CACNA2D2: variants seen among roughly 807,000 people sequenced by gnomAD.
CACNA2D2 encodes voltage-dependent calcium channel subunit alpha-2/delta-2.
A neutral mutation model predicts 166.4 loss-of-function variants in CACNA2D2; 48 were observed. That is an observed-to-expected ratio of 0.29 (90% CI 0.23 to 0.37). The LOEUF (loss-of-function observed/expected upper bound fraction) is 0.37. Among genes scored for constraint, CACNA2D2 ranks in the 10% least tolerant of loss-of-function variants. CACNA2D2 has a pLI of 1.00. For missense variants in CACNA2D2, 1,122 were observed against 1,433.0 expected, an observed-to-expected ratio of 0.78 and a Z score of 3.50; for synonymous variants, 561 against 573.7, an observed-to-expected ratio of 0.98 and a Z score of 0.32.
At chr3:50,395,214 G>A (rs1440522884) in intron 3 of CACNA2D2, among the ~76,000 whole-genome samples, 1 of 152,226 alleles carries the variant, frequency 6.6e-6, no homozygotes, top group Non-Finnish European at 1.5e-5. Context: ...AGTGACTCAT[G>A]TGCTGTGCAC....
intron 3 of CACNA2D2, among the ~76,000 whole-genome samples, chr3:50,424,396 G>A (rs1707710832): frequency 6.6e-6 from 1 of 152,116 alleles, no homozygotes; most frequent in Non-Finnish European, 1.5e-5. Context: ...GTGCTCTGTG[G>A]AGCCTGCCAG....
intron 24 of CACNA2D2, 69 bp downstream of exon 24, chr3:50,368,069 G>A (rs1704446878): frequency 7.8e-7 from 1 of 1,289,618 alleles, no homozygotes; most frequent in African/African-American, 1.5e-5. Flanking sequence ...CCCGGCCTCT[G>A]GGTTCCTCTG....
chr3:50,461,234 G>A (rs558257406), intron 2 of CACNA2D2, among the ~76,000 whole-genome samples: 4 of 152,322 alleles, frequency 2.6e-5, no homozygotes, highest in African/African-American at 9.6e-5. Context: ...CAATGGATCG[G>A]GAATCTGAAT....
At chr3:50,428,303 G>A (rs1392760472) in intron 3 of CACNA2D2, among the ~76,000 whole-genome samples, 5 of 152,220 alleles carry the variant, frequency 3.3e-5, no homozygotes, top group East Asian at 3.9e-4. Context: ...CGAGGCTGAC[G>A]CCCTGCTTTA....
At position 50,379,408 on chromosome 3, in the gene CACNA2D2, C is replaced by T; in HGVS notation, c.1152+24G>A. Reference sequence around the variant, plus strand: ...AGGGCCCTCTACTCCCCCAGCCGCCCACTTGCCCACCCATGGGGCTCACGT... The same window carrying T: ...AGGGCCCTCTACTCCCCCAGCCGCCTACTTGCCCACCCATGGGGCTCACGT... On this transcript the variant is annotated intron_variant, in intron 11 of 37. Coordinates refer to ENST00000424201, the MANE Select transcript of CACNA2D2 (RefSeq NM_006030.4). This position sits in a 1 kb window ranked among gnomAD's most constrained non-coding sequence, Gnocchi z 6.5. The T allele has an allele frequency of 6.2e-7, 1 of 1,610,382 alleles. No homozygotes were observed. Among genetic ancestry groups the T allele is most frequent in the East Asian group, 2.2e-5 (1 of 44,802 alleles).
chr3:50,451,734 A>G (rs1476272297), intron 2 of CACNA2D2, among the ~76,000 whole-genome samples: 2 of 152,134 alleles, frequency 1.3e-5, no homozygotes, highest in Non-Finnish European at 2.9e-5. Flanking sequence ...GAGGCCCCCT[A>G]GTTCCCACCT....
At chr3:50,388,976 G>C (rs1054142309) in intron 4 of CACNA2D2, among the ~76,000 whole-genome samples, 1 of 152,252 alleles carries the variant, frequency 6.6e-6, no homozygotes, top group Admixed American at 6.5e-5. Flanking sequence ...ATCCCAGGGC[G>C]CCTGCCGTGT....
chr3:50,391,727 G>A (rs1705902713), intron 4 of CACNA2D2, among the ~76,000 whole-genome samples: 2 of 152,224 alleles, frequency 1.3e-5, no homozygotes, highest in Non-Finnish European at 2.9e-5. Context: ...ACCATTGTCT[G>A]TTCCTCAGAG....
At chr3:50,394,191 G>T (rs770703581) in intron 3 of CACNA2D2, 23 bp from the exon 4 acceptor site, 7 of 1,611,558 alleles carry the variant, frequency 4.3e-6, no homozygotes, top group Non-Finnish European at 5.9e-6. Context: ...GCACAGGGAG[G>T]TCAGAAGCGG....
At chr3:50,467,538 A>T (rs1046831630) in intron 2 of CACNA2D2, among the ~76,000 whole-genome samples, 15 of 152,098 alleles carry the variant, frequency 9.9e-5, no homozygotes, top group African/African-American at 3.6e-4. Flanking sequence ...GCACCTATGG[A>T]CATGTGTACC....
intron 3 of CACNA2D2, among the ~76,000 whole-genome samples, chr3:50,396,350 A>G (rs1242280826): frequency 3.9e-5 from 6 of 152,050 alleles, no homozygotes; most frequent in Non-Finnish European, 7.4e-5. Context: ...CAACACCTGG[A>G]GCCTTTTCTC....
rs587679485 is a variant in CACNA2D2, at chr3:50,378,443, C to T, written c.1340-110G>A. 4 of 1,139,316 alleles carry T rather than the reference C, an allele frequency of 3.5e-6. No individual in the cohort carries two copies. In the East Asian group the frequency reaches 7.7e-5, roughly 22 times the overall value. 70.6% of individuals were successfully genotyped at this position (1,139,316 alleles called of 1,614,324 possible). A position where few individuals can be genotyped will look rare whatever the true frequency, so the allele number is the denominator to read the frequency against. The stretch of plus-strand genomic sequence containing the variant: ...CAGCCCTGCCTCGCCTCTTGGGCTC[C>T]TCTCTTTTTGGGGTCCTCTCCCTCT... On this transcript the variant is annotated intron_variant, in intron 13 of 37. Coordinates refer to ENST00000424201, the MANE Select transcript of CACNA2D2 (RefSeq NM_006030.4).
intron 3 of CACNA2D2, among the ~76,000 whole-genome samples, chr3:50,399,683 G>A (rs1022974071): frequency 2.6e-5 from 4 of 152,170 alleles, no homozygotes; most frequent in Non-Finnish European, 5.9e-5. Context: ...AAGCATTAGT[G>A]TAGCTGCCCC....
Position 50,364,975 on chromosome 3 carries a change from G to A in CACNA2D2, c.3209-5C>T, listed in dbSNP as rs1452790481. ...CACACTGCTCCGGGCCGTCCGCTGG[G>A]CATGGGTGGGGAGTCAAGGAGGCGG... On this transcript the variant is annotated splice_polypyrimidine_tract_variant and splice_region_variant and intron_variant, in intron 36 of 37. Transcript: ENST00000424201. The A allele has an allele frequency of 6.2e-7, 1 of 1,612,558 alleles. No individual in the cohort carries two copies. The highest frequency in any genetic ancestry group is 8.5e-7 in the Non-Finnish European group (1 of 1,179,718).
At chr3:50,476,704 C>T (rs1465492989) in intron 1 of CACNA2D2, among the ~76,000 whole-genome samples, 1 of 152,178 alleles carries the variant, frequency 6.6e-6, no homozygotes, top group Non-Finnish European at 1.5e-5. Context: ...CCCTCTAGGT[C>T]TCACCTGAGC....
At chr3:50,457,292 G>A (rs934383946) in intron 2 of CACNA2D2, among the ~76,000 whole-genome samples, 5 of 152,114 alleles carry the variant, frequency 3.3e-5, no homozygotes, top group African/African-American at 7.2e-5. Context: ...AAACAAAAAC[G>A]ACAGACTAGG....
chr3:50,461,581 C>T (rs1223422957), intron 2 of CACNA2D2, among the ~76,000 whole-genome samples: 1 of 151,806 alleles, frequency 6.6e-6, no homozygotes, highest in Admixed American at 6.6e-5. Context: ...GCCAACATAG[C>T]GAAACCTCAT....
intron 4 of CACNA2D2, among the ~76,000 whole-genome samples, chr3:50,390,699 C>T (rs943965166): frequency 6.6e-6 from 1 of 152,152 alleles, no homozygotes; most frequent in Non-Finnish European, 1.5e-5. Context: ...AGGCGAGGGG[C>T]GGGGCAGGAG....
chr3:50,467,186 C>T (rs956783835), intron 2 of CACNA2D2, among the ~76,000 whole-genome samples: 3 of 152,160 alleles, frequency 2.0e-5, no homozygotes, highest in African/African-American at 4.8e-5. Flanking sequence ...TGGCCCCAGA[C>T]CAGTATCTGG....
Sources: gnomAD v4.1 joint callset for allele counts (sites outside exome capture counted in the v4.1 genomes callset) on GRCh38, gnomAD v4.1.1 for gene constraint, Gnocchi (gnomAD v3.1) non-coding constraint, MANE v1.5 for transcripts, NCBI Gene and HGNC (gene_info 2026-07-23, HGNC 2026-07-21) for gene names.